Variants in ADK observed in about 807,000 individuals in gnomAD.
ADK encodes adenosine kinase, also known as N6,N6-dimethyladenosine kinase.
ADK carries 24 observed loss-of-function variants against 44.7 expected under a neutral mutation model. The observed-to-expected ratio is 0.54, with a 90% CI of 0.39 to 0.76. The LOEUF (loss-of-function observed/expected upper bound fraction) is 0.76. Among genes scored for constraint, ADK ranks in the 30% least tolerant of loss-of-function variants. The probability of loss-of-function intolerance (pLI) is 0.00; values close to 1 mark genes in which losing one functional copy is unlikely to be tolerated. For synonymous variants in ADK, 128 were observed against 142.6 expected (o/e 0.90, Z 0.73); for missense variants, 321 against 425.1 (o/e 0.76, Z 2.15).
At position 74,454,064 on chromosome 10, in the gene ADK, C is replaced by T. The variant is rs141047435; in HGVS notation, c.555+55485C>T. Among the ~76,000 whole-genome samples the T allele has an allele frequency of 6.5e-3, 985 of 152,200 alleles. 8 individuals carry two copies. The highest frequency in any genetic ancestry group is 0.031 in the Middle Eastern group (9 of 294). ...TTACAGTCAATGGACCATTCTCCAG[C>T]AGGTCATAAGTAAGAATGTTAAATA... On this transcript the variant is annotated intron_variant, in intron 6 of 10. Transcript: ENST00000539909.
intron 6 of ADK, among the ~76,000 whole-genome samples, chr10:74,471,964 A>G (rs905656775): frequency 3.9e-5 from 6 of 152,140 alleles, no homozygotes; most frequent in African/African-American, 1.4e-4. Context: ...AAATAATTCT[A>G]CTTCTCTGTT....
At chr10:74,156,823 A>T (rs774678026) in intron 1 of ADK, among the ~76,000 whole-genome samples, 1 of 152,190 alleles carries the variant, frequency 6.6e-6, no homozygotes, top group Non-Finnish European at 1.5e-5. Context: ...TACGAACCTC[A>T]TAAGGATGTT....
At chr10:74,569,536 A>C (rs1171823311) in intron 7 of ADK, among the ~76,000 whole-genome samples, 1 of 152,218 alleles carries the variant, frequency 6.6e-6, no homozygotes, top group African/African-American at 2.4e-5. Context: ...AATGATGATG[A>C]GCATTTTTTC....
At chr10:74,324,235 G>T (rs1840927954) in intron 4 of ADK, among the ~76,000 whole-genome samples, 1 of 151,818 alleles carries the variant, frequency 6.6e-6, no homozygotes, top group Non-Finnish European at 1.5e-5. Flanking sequence ...TTGCTTTGTT[G>T]CACAGGCTGA....
At chr10:74,433,730 A>G (rs2133096512) in intron 6 of ADK, among the ~76,000 whole-genome samples, 1 of 152,348 alleles carries the variant, frequency 6.6e-6, no homozygotes, top group South Asian at 2.1e-4. Flanking sequence ...GTTGCCAGCT[A>G]TATTAAAGGA....
At chr10:74,632,545 A>G (rs531649527) in intron 9 of ADK, among the ~76,000 whole-genome samples, 2 of 152,262 alleles carry the variant, frequency 1.3e-5, no homozygotes, top group East Asian at 1.9e-4. Context: ...GCTTGTAGCT[A>G]TATCACTTCA....
intron 1 of ADK, among the ~76,000 whole-genome samples, chr10:74,154,744 C>T (rs1841703274): frequency 6.6e-6 from 1 of 152,158 alleles, no homozygotes; most frequent in Non-Finnish European, 1.5e-5. Flanking sequence ...AGTTTGAGAC[C>T]TAGATATTTG....
Position 74,596,745 on chromosome 10 carries a change from C to T in ADK, c.763-3634C>T, listed in dbSNP as rs1248115454. 2.6e-5 allele frequency among the ~76,000 whole-genome samples: 4 copies of T among 152,264 alleles called. No individual in the cohort carries two copies. The East Asian group carries it at 7.7e-4, about 29-fold the overall frequency. On this transcript the variant is annotated intron_variant, in intron 8 of 10. Transcript: ENST00000539909. Reference sequence around the variant, plus strand: ...ATTTTTTTGTAGAGATGAAGTTTTACTACGTTGCCCAGGCTAGTCTCAAAC... The same window carrying T: ...ATTTTTTTGTAGAGATGAAGTTTTATTACGTTGCCCAGGCTAGTCTCAAAC...
intron 6 of ADK, among the ~76,000 whole-genome samples, chr10:74,437,467 A>G (rs1845217852): frequency 6.6e-6 from 1 of 152,122 alleles, no homozygotes; most frequent in African/African-American, 2.4e-5. Flanking sequence ...TGTATATGGT[A>G]CCACTGCAGG....
rs542346186 is a variant in ADK, at chr10:74,343,509, G to T, written c.273+28764G>T. Among the ~76,000 whole-genome samples, 11 of 152,294 alleles carry T rather than the reference G, an allele frequency of 7.2e-5. No homozygotes were observed. In the East Asian group the frequency reaches 2.1e-3, roughly 29 times the overall value. On this transcript the variant is annotated intron_variant, in intron 4 of 10. Coordinates refer to ENST00000539909, the MANE Select transcript of ADK (RefSeq NM_006721.4). ...GGAGGAACTGGTTTTGCTGTCTTAA[G>T]GGTGGCAGAGGTGGAAGAAAATACT...
chr10:74,299,802 C>G (rs943108874), intron 3 of ADK, among the ~76,000 whole-genome samples: 1 of 151,756 alleles, frequency 6.6e-6, no homozygotes, highest in Admixed American at 6.6e-5. Context: ...GTATTATCAA[C>G]AGTGAACTTC....
At chr10:74,424,077 G>A (rs1361265015) in intron 6 of ADK, 1 of 153,534 alleles carries the variant, frequency 6.5e-6, no homozygotes, top group Non-Finnish European at 1.5e-5. Flanking sequence ...TATGCAAAGA[G>A]GCACTTAGTT....
rs778524432 is a variant in ADK, at chr10:74,600,410, C to G, written c.794C>G (p.Thr265Arg). Reference sequence around the variant, plus strand: ...GACATTAAAGAGATAGCCAAAAAGACACAAGCCCTGCCAAAGATGAACTCA... The same window carrying G: ...GACATTAAAGAGATAGCCAAAAAGAGACAAGCCCTGCCAAAGATGAACTCA... ...TKDIKEIAKK[T>R]QALPKMNSKR... is the part of the protein sequence containing the mutation. The change falls in exon 9 of 11, where the codon ACA (threonine) becomes AGA (arginine). Residue 265 changes from threonine (T) to arginine (R), a missense_variant. Thr to Arg is a moderately conservative substitution (Grantham distance 71, BLOSUM62 -1). Transcript: ENST00000539909. 6.2e-7 allele frequency: 1 copy of G among 1,610,818 alleles called. No homozygotes were observed. Among genetic ancestry groups the G allele is most frequent in the African/African-American group, 1.3e-5 (1 of 74,768 alleles).
chr10:74,367,245 C>T (rs1842524262), intron 4 of ADK, among the ~76,000 whole-genome samples: 1 of 152,136 alleles, frequency 6.6e-6, no homozygotes, highest in African/African-American at 2.4e-5. Context: ...ATATTCAGCA[C>T]ATTCAGCAAT....
chr10:74,469,563 C>T (rs1352603278), intron 6 of ADK, among the ~76,000 whole-genome samples: 1 of 152,048 alleles, frequency 6.6e-6, no homozygotes, highest in African/African-American at 2.4e-5. Flanking sequence ...GGGGTTTTGC[C>T]ATGTTGCCCA....
chr10:74,201,672 GTATGTATC>G (rs1310068457), intron 2 of ADK, among the ~76,000 whole-genome samples: 12,617 of 133,104 alleles, frequency 0.095, 679 homozygotes, highest in Middle Eastern at 0.17. Flanking sequence ...ATGTATGTAT[GTATGTATC>G]TATCTATCTA....
intron 3 of ADK, among the ~76,000 whole-genome samples, chr10:74,264,974 T>A (rs1162946255): frequency 6.6e-6 from 1 of 152,118 alleles, no homozygotes; most frequent in African/African-American, 2.4e-5. Flanking sequence ...TCAAAGTACC[T>A]ATTTTTTTCT....
chr10:74,543,526 T>C lies in ADK; in HGVS notation c.726+18100T>C, dbSNP rs138890766. Among the ~76,000 whole-genome samples, 794 of 152,336 alleles carry C rather than the reference T, an allele frequency of 5.2e-3. 1 individual carries two copies. The highest frequency in any genetic ancestry group is 8.2e-3 in the Admixed American group (125 of 15,306). ...GGTTGCTAGAGGTATTTCTTCAGAGTAAATTCCTTGAAATGGAATTGTTGG... is the reference window on the plus strand; with the variant it reads ...GGTTGCTAGAGGTATTTCTTCAGAGCAAATTCCTTGAAATGGAATTGTTGG... On this transcript the variant is annotated intron_variant, in intron 7 of 10. Coordinates refer to ENST00000539909, the MANE Select transcript of ADK (RefSeq NM_006721.4).
chr10:74,508,758 T>C (rs1156249489), intron 6 of ADK, among the ~76,000 whole-genome samples: 2 of 152,162 alleles, frequency 1.3e-5, no homozygotes, highest in African/African-American at 4.8e-5. Context: ...CTTCCCACCA[T>C]GGGTACTCTT....
Sources: gnomAD v4.1 joint callset for allele counts (sites outside exome capture counted in the v4.1 genomes callset) on GRCh38, gnomAD v4.1.1 for gene constraint, MANE v1.5 for transcripts, NCBI Gene and HGNC (gene_info 2026-07-23, HGNC 2026-07-21) for gene names.